Variants in ZBTB49 observed in about 807,000 individuals in gnomAD.
ZBTB49 encodes the protein zinc finger and BTB domain-containing protein 49.
In ZBTB49, 43 loss-of-function variants were observed where a neutral mutation model predicts 57.5. The ratio of observed to expected loss-of-function variants is 0.75; its 90% CI spans 0.59 to 0.97. The LOEUF (loss-of-function observed/expected upper bound fraction) is 0.97, where lower values mean the gene tolerates loss of function less well. Ranked by LOEUF, ZBTB49 falls within the 50% of genes least tolerant of loss-of-function variation. ZBTB49 has a pLI of 0.00. For missense variants in ZBTB49, 938 were observed against 947.7 expected (o/e 0.99, Z 0.13); for synonymous variants, 369 against 362.1 (o/e 1.02, Z -0.22).
intron 3 of ZBTB49, among the ~76,000 whole-genome samples, chr4:4,304,289 A>G (rs927653546): frequency 6.6e-6 from 1 of 151,196 alleles, no homozygotes; most frequent in Non-Finnish European, 1.5e-5. Context: ...GCAGTGGCAC[A>G]ATCTCGGCTC....
rs79286288 is a variant in ZBTB49 at position 4,293,187 on chromosome 4, T to G, written c.-20+2835T>G. Among the ~76,000 whole-genome samples the G allele has an allele frequency of 0.029, 4,448 of 152,282 alleles. 415 individuals are homozygous for G. In the East Asian group the frequency reaches 0.32, roughly 11 times the overall value. ...ACTCTGCTAGGCACCAGAGATACATTGTTCAATAAGACAGATGGAGTCCAT... is the reference window on the plus strand; with the variant it reads ...ACTCTGCTAGGCACCAGAGATACATGGTTCAATAAGACAGATGGAGTCCAT... On this transcript the variant is annotated intron_variant, in intron 1 of 7. Transcript: ENST00000337872.
intron 4 of ZBTB49, among the ~76,000 whole-genome samples, chr4:4,307,068 C>T (rs1246606735): frequency 6.6e-6 from 1 of 152,234 alleles, no homozygotes; most frequent in Non-Finnish European, 1.5e-5. Flanking sequence ...GGTGTCAGTT[C>T]CATTTGCTCA....
intron 1 of ZBTB49, among the ~76,000 whole-genome samples, chr4:4,298,141 G>A (rs536507136): frequency 6.6e-6 from 1 of 152,168 alleles, no homozygotes; most frequent in Non-Finnish European, 1.5e-5. Context: ...GAGGACAGTG[G>A]GTCACAGAGA....
intron 1 of ZBTB49, among the ~76,000 whole-genome samples, chr4:4,290,819 C>T (rs1457669950): frequency 1.3e-5 from 2 of 152,236 alleles, no homozygotes; most frequent in African/African-American, 2.4e-5. Flanking sequence ...CTCTTTGTGC[C>T]TCAGCCCCGC....
rs1720523135 is a variant in ZBTB49 at position 4,302,385 on chromosome 4, T to A, written c.549T>A (p.Arg183=). The A allele has an allele frequency of 6.2e-7, 1 of 1,614,138 alleles. No individual in the cohort carries two copies. The highest frequency in any genetic ancestry group is 8.5e-7 in the Non-Finnish European group (1 of 1,180,046). ...CGCATGCTTCACCATCAGTTAATCG[T>A]CATCACTCCGCAGGTGAAATCTCAA... ...SHPHASPSVN[R]HHSAGEISKQ... is the part of the protein sequence containing the mutation. The change falls in exon 3 of 8, where the codon CGT becomes CGA. Residue 183 remains arginine (R), a synonymous_variant. Transcript: ENST00000337872.
chr4:4,316,691 C>T (rs1191141200), intron 7 of ZBTB49, among the ~76,000 whole-genome samples: 1 of 152,212 alleles, frequency 6.6e-6, no homozygotes, highest in East Asian at 1.9e-4. Context: ...GGATTCAGGG[C>T]ACCATTCAGA....
intron 2 of ZBTB49, among the ~76,000 whole-genome samples, chr4:4,300,652 T>G (rs6849293): frequency 0.024 from 3,589 of 152,126 alleles, 123 homozygotes; most frequent in African/African-American, 0.081. Context: ...ATTTAAACAT[T>G]ATTCTGTATT....
At position 4,300,017 on chromosome 4, in the gene ZBTB49, T is replaced by C. The variant is rs1224550926; in HGVS notation, c.72T>C (p.Leu24=). ...ATGAGCAGCGAATCCAAGGCCTGCT[T>C]TGTGACTGTATGTTGGTGGTAAAAG... The part of the protein sequence containing the change: ...QLHEQRIQGL[L]CDCMLVVKGV... The change falls in exon 2 of 8, where the codon CTT becomes CTC. Residue 24 remains leucine, a synonymous_variant. Coordinates refer to ENST00000337872, the MANE Select transcript of ZBTB49 (RefSeq NM_145291.4). The C allele has an allele frequency of 1.9e-6, 3 of 1,614,086 alleles. No homozygotes were observed. The highest frequency in any genetic ancestry group is 2.5e-6 in the Non-Finnish European group (3 of 1,180,044).
In ZBTB49 at chr4:4,302,646, G is replaced by T; in HGVS notation, c.810G>T (p.Glu270Asp). The T allele has an allele frequency of 6.2e-7, 1 of 1,611,136 alleles. No homozygotes were observed. Among genetic ancestry groups the T allele is most frequent in the African/African-American group, 1.3e-5 (1 of 74,942 alleles). ...SHSECILESP[E>D]HLPSNFLAQP... ...CTGAATGCATCCTGGAGTCTCCCGA[G>T]CACTTACCTTCCAACTTCCTGGCCC... The change falls in exon 3 of 8, where the codon GAG (glutamate) becomes GAT (aspartate). Residue 270 changes from glutamate (E) to aspartate (D), a missense_variant. Physicochemically the swap from Glu to Asp is conservative, Grantham distance 45. Transcript: ENST00000337872.
chr4:4,308,440 A>C (rs890752727), intron 4 of ZBTB49, among the ~76,000 whole-genome samples: 13 of 152,146 alleles, frequency 8.5e-5, no homozygotes, highest in African/African-American at 2.7e-4. Context: ...AACCACCACT[A>C]TAGCTCTTGA....
In ZBTB49 at chr4:4,302,204, T is replaced by A. The variant is rs761681962; in HGVS notation, c.368T>A (p.Val123Glu). The change falls in exon 3 of 8, where the codon GTA becomes GAA. Residue 123 changes from valine to glutamate, a missense_variant. This residue lies in a region of ZBTB49 where 835 missense variants were observed against 819.1 expected (regional missense o/e 1.02). Transcript: ENST00000337872. ...ACATTTTTAAAATCAGCCACTGTAG[T>A]ACAGCCACCTGGCATGCCTTGTAAT... ...CHTFLKSATVVQPPGMPCNST... is the reference protein window; with the variant it reads ...CHTFLKSATVEQPPGMPCNST... The A allele has an allele frequency of 5.6e-6, 9 of 1,614,156 alleles. No homozygotes were observed. Among genetic ancestry groups the A allele is most frequent in the Non-Finnish European group, 7.6e-6 (9 of 1,180,056 alleles).
At chr4:4,305,069 G>A (rs1720678794) in intron 3 of ZBTB49, among the ~76,000 whole-genome samples, 2 of 151,604 alleles carry the variant, frequency 1.3e-5, no homozygotes, top group Admixed American at 1.3e-4. Context: ...TTCTTATGGG[G>A]GCTTTAACTT....
chr4:4,320,604 G>A, intron 7 of ZBTB49, 36 bp from the exon 8 acceptor site: 1 of 1,611,658 alleles, frequency 6.2e-7, no homozygotes, highest in South Asian at 1.1e-5. Context: ...GTGAGACCCT[G>A]TTTAAGTAAA....
rs10626183 is a variant in ZBTB49, at chr4:4,294,872, C to CGTGTGTGTGTGTGT, written c.-20+4551_-20+4564dup. ...TTAACAGGTCTGTGGAGGAGGGTTT[C>CGTGTGTGTGTGTGT]GTGTGTGTGTGTGTGTGTGTGTGTG... On this transcript the variant is annotated intron_variant, in intron 1 of 7. Coordinates refer to ENST00000337872, the MANE Select transcript of ZBTB49 (RefSeq NM_145291.4). Among the ~76,000 whole-genome samples, 537 of 138,096 alleles carry CGTGTGTGTGTGTGT rather than the reference C, an allele frequency of 3.9e-3. 4 individuals are homozygous for CGTGTGTGTGTGTGT. The highest frequency in any genetic ancestry group is 4.7e-3 in the Non-Finnish European group (299 of 63,844). 90.6% of individuals were successfully genotyped at this position (138,096 alleles called of 152,430 possible).
At chr4:4,296,924 G>T (rs572091422) in intron 1 of ZBTB49, among the ~76,000 whole-genome samples, 2 of 152,218 alleles carry the variant, frequency 1.3e-5, no homozygotes, top group South Asian at 4.1e-4. Context: ...GGAGAGGGAA[G>T]GTTCATCTTG....
chr4:4,318,882 G>GA (rs1721294652), intron 7 of ZBTB49, among the ~76,000 whole-genome samples: 1 of 77,394 alleles, frequency 1.3e-5, no homozygotes, highest in Non-Finnish European at 2.7e-5. Flanking sequence ...TTTGGTTTTT[G>GA]TTTTTTTTAA....
At chr4:4,293,084 A>T (rs2108864404) in intron 1 of ZBTB49, among the ~76,000 whole-genome samples, 1 of 152,334 alleles carries the variant, frequency 6.6e-6, no homozygotes, top group Non-Finnish European at 1.5e-5. Flanking sequence ...GGACCTCTCC[A>T]TTTTTATAGA....
intron 1 of ZBTB49, 106 bp from the exon 2 acceptor site, chr4:4,299,817 GAAAC>G: frequency 2.2e-6 from 2 of 927,656 alleles, no homozygotes; most frequent in African/African-American, 1.9e-5. Flanking sequence ...GTGTGAGAGA[GAAAC>G]TGTGATGAGA....
At position 4,306,236 on chromosome 4, in the gene ZBTB49, T is replaced by A. The variant is rs892703842; in HGVS notation, c.1302+52T>A. The stretch of plus-strand genomic sequence containing the variant: ...TAATTGGAAACCTGCAACACAGTGT[T>A]TTTTTATTGGAAATAAGACATACTT... On this transcript the variant is annotated intron_variant, in intron 4 of 7. Coordinates refer to ENST00000337872, the MANE Select transcript of ZBTB49 (RefSeq NM_145291.4). 4 of 1,488,010 alleles carry A rather than the reference T, an allele frequency of 2.7e-6. No homozygotes were observed. The African/African-American group carries it at 4.2e-5, about 15-fold the overall frequency. 92.2% of individuals were successfully genotyped at this position (1,488,010 alleles called of 1,614,324 possible).
Sources: gnomAD v4.1 joint callset for allele counts (sites outside exome capture counted in the v4.1 genomes callset) on GRCh38, gnomAD v4.1.1 for gene constraint, gnomAD v4.1.1 regional missense constraint, MANE v1.5 for transcripts, NCBI Gene and HGNC (gene_info 2026-07-23, HGNC 2026-07-21) for gene names.